The following FTCDNL1 variants were observed in gnomAD, a reference collection of about 807,000 sequenced individuals.
FTCDNL1 encodes the protein formiminotransferase cyclodeaminase N-terminal like, also known as formiminotransferase N-terminal subdomain-containing protein.
FTCDNL1 carries 11 observed loss-of-function variants against 5.9 expected under a neutral mutation model. The observed-to-expected ratio is 1.87, with a 90% CI of 1.18 to 3.10. FTCDNL1 has a LOEUF of 3.10. Among genes scored for constraint, FTCDNL1 ranks in the 30% most tolerant of loss-of-function variants. The pLI is 0.00. For missense variants in FTCDNL1, 115 were observed against 65.5 expected, an observed-to-expected ratio of 1.76 and a Z score of -2.61; for synonymous variants, 58 against 24.8, an observed-to-expected ratio of 2.34 and a Z score of -3.99.
chr2:199,715,720 G>A, the FTCDNL1 span, among the ~76,000 whole-genome samples: 1 of 152,070 alleles, frequency 6.6e-6, no homozygotes, highest in Non-Finnish European at 1.5e-5. Flanking sequence ...TTACAGATGA[G>A]GAAACTGAGA....
At chr2:199,844,177 T>C (rs2076667364) in intron 3 of FTCDNL1, among the ~76,000 whole-genome samples, 1 of 151,788 alleles carries the variant, frequency 6.6e-6, no homozygotes, top group Non-Finnish European at 1.5e-5. Flanking sequence ...TTTTTTGCCA[T>C]ATCCCACAAC....
chr2:199,805,426 G>A (rs1174969400), downstream of FTCDNL1, among the ~76,000 whole-genome samples: 1 of 152,074 alleles, frequency 6.6e-6, no homozygotes, highest in Admixed American at 6.6e-5. Context: ...GCAAGGTCCT[G>A]TGTCTACTAA....
At chr2:199,801,681 T>C (rs1322961646) in intron 3 of FTCDNL1, among the ~76,000 whole-genome samples, 3 of 149,370 alleles carry the variant, frequency 2.0e-5, no homozygotes, top group Non-Finnish European at 4.4e-5. Flanking sequence ...CCGGGCACGG[T>C]GGCTCACGCC....
At chr2:199,740,561 C>T in the FTCDNL1 span, among the ~76,000 whole-genome samples, 1 of 152,214 alleles carries the variant, frequency 6.6e-6, no homozygotes, top group Non-Finnish European at 1.5e-5. Context: ...GGTGCCCTCC[C>T]TTCCCCAGCT....
chr2:199,677,221 C>T, the FTCDNL1 span, among the ~76,000 whole-genome samples: 1 of 152,144 alleles, frequency 6.6e-6, no homozygotes, highest in Non-Finnish European at 1.5e-5. Flanking sequence ...TTCCCTAAGG[C>T]CAAAACCTAA....
the FTCDNL1 span, among the ~76,000 whole-genome samples, chr2:199,717,509 A>ATGTTTTTTT: frequency 1.7e-5 from 1 of 57,660 alleles, no homozygotes; most frequent in African/African-American, 7.2e-5. Context: ...CAAGGCAGAG[A>ATGTTTTTTT]TTTTTTTTTT....
the FTCDNL1 span, among the ~76,000 whole-genome samples, chr2:199,752,327 G>A: frequency 6.6e-6 from 1 of 152,166 alleles, no homozygotes; most frequent in Non-Finnish European, 1.5e-5. Context: ...TTCCCTGAGT[G>A]GACAAATTTA....
the FTCDNL1 span, among the ~76,000 whole-genome samples, chr2:199,751,643 CCCTT>C: frequency 6.6e-6 from 1 of 152,030 alleles, no homozygotes; most frequent in African/African-American, 2.4e-5. Flanking sequence ...CGCCTTTCTC[CCCTT>C]CTCTCTGCCC....
the FTCDNL1 span, among the ~76,000 whole-genome samples, chr2:199,704,261 T>A: frequency 6.6e-6 from 1 of 152,144 alleles, no homozygotes; most frequent in African/African-American, 2.4e-5. Context: ...AAATCTGTCC[T>A]TGGCATGAAT....
At chr2:199,788,468 A>C (rs1055986407) in intron 3 of FTCDNL1, among the ~76,000 whole-genome samples, 15 of 152,256 alleles carry the variant, frequency 9.9e-5, no homozygotes, top group African/African-American at 3.4e-4. Context: ...CTCTTGAATA[A>C]GCCTGAAGTA....
the FTCDNL1 span, among the ~76,000 whole-genome samples, chr2:199,732,680 C>T: frequency 6.5e-4 from 99 of 152,028 alleles, no homozygotes; most frequent in African/African-American, 2.0e-3. Context: ...GACTTCCTGA[C>T]ATGTATACAC....
chr2:199,713,139 G>A, the FTCDNL1 span, among the ~76,000 whole-genome samples: 6 of 151,770 alleles, frequency 4.0e-5, no homozygotes, highest in Non-Finnish European at 8.8e-5. Context: ...TTCTGTATTA[G>A]GTCTGGGTCT....
At chr2:199,708,481 G>C in the FTCDNL1 span, among the ~76,000 whole-genome samples, 2 of 151,944 alleles carry the variant, frequency 1.3e-5, no homozygotes, top group Non-Finnish European at 2.9e-5. Context: ...ATTTTATCTT[G>C]TTTAGTACCT....
Position 199,848,879 on chromosome 2 carries a change from G to C in FTCDNL1, c.84C>G (p.Asn28Lys). Residue 28 changes from asparagine to lysine, a missense_variant, in exon 2 of 5, where the codon AAC becomes AAG. Asn to Lys is a moderately conservative substitution (Grantham distance 94). Coordinates refer to ENST00000420128, the MANE Select transcript of FTCDNL1 (RefSeq NM_001363886.2). ...SEAGRKYIVE[N>K]IAKAALLDKN... ...TGTCAAGAAGAGCTGCTTTTGCTAT[G>C]TTCTCAACAATGTATTTTCTTCCGG... 1.4e-6 allele frequency: 1 copy of C among 702,234 alleles called. No individual in the cohort carries two copies. The highest frequency in any genetic ancestry group is 2.7e-5 in the East Asian group (1 of 37,284). 43.5% of individuals were successfully genotyped at this position (702,234 alleles called of 1,614,324 possible). A position where few individuals can be genotyped will look rare whatever the true frequency, so the allele number is the denominator to read the frequency against.
chr2:199,830,668 C>G (rs569363048), intron 3 of FTCDNL1, among the ~76,000 whole-genome samples: 71 of 152,218 alleles, frequency 4.7e-4, no homozygotes, highest in Admixed American at 1.3e-3. Flanking sequence ...GCGCGGGGCC[C>G]TAACCGCTCC....
chr2:199,850,319 T>C (rs1325922889), intron 1 of FTCDNL1, among the ~76,000 whole-genome samples: 2 of 152,218 alleles, frequency 1.3e-5, no homozygotes, highest in Admixed American at 1.3e-4. Flanking sequence ...TTTTCATTTG[T>C]TTTCAGTGTG....
intron 3 of FTCDNL1, among the ~76,000 whole-genome samples, chr2:199,828,637 C>T (rs1463463969): frequency 6.6e-6 from 1 of 152,220 alleles, no homozygotes; most frequent in East Asian, 1.9e-4. Flanking sequence ...GAATATTCTA[C>T]AGCTTTTGTT....
chr2:199,709,230 T>C, the FTCDNL1 span, among the ~76,000 whole-genome samples: 1 of 152,124 alleles, frequency 6.6e-6, no homozygotes, highest in Non-Finnish European at 1.5e-5. Context: ...GTTGAATATT[T>C]CAGTCTGACT....
At chr2:199,671,661 T>C in the FTCDNL1 span, among the ~76,000 whole-genome samples, 10 of 152,166 alleles carry the variant, frequency 6.6e-5, no homozygotes, top group African/African-American at 2.4e-4. Context: ...AAAGGTCTAC[T>C]GTCCCCTGCT....
Sources: allele counts gnomAD v4.1 joint callset (sites outside exome capture counted in the v4.1 genomes callset), GRCh38; gene constraint gnomAD v4.1.1; transcripts MANE v1.5; gene names NCBI Gene and HGNC (gene_info 2026-07-23, HGNC 2026-07-21).